The following USP24 variants were observed in gnomAD, a reference collection of about 807,000 sequenced individuals.
USP24 encodes the protein ubiquitin carboxyl-terminal hydrolase 24.
USP24 carries 97 observed loss-of-function variants against 361.6 expected under a neutral mutation model. That is an observed-to-expected ratio of 0.27 (90% CI 0.23 to 0.32). The LOEUF is 0.32. USP24 is among the 10% of genes least tolerant of loss of function. The pLI is 1.00. For synonymous variants in USP24, 1,098 were observed against 1,124.6 expected (o/e 0.98, Z 0.47); for missense variants, 2,353 against 3,165.6 (o/e 0.74, Z 6.16).
At chr1:55,160,699 A>T (rs1338734680) in intron 8 of USP24, among the ~76,000 whole-genome samples, 1 of 152,170 alleles carries the variant, frequency 6.6e-6, no homozygotes. Flanking sequence ...TTTAAGGTAC[A>T]CTCTGTTTAC....
intron 3 of USP24, among the ~76,000 whole-genome samples, chr1:55,173,759 T>C (rs1350235085): frequency 1.3e-5 from 2 of 152,212 alleles, no homozygotes; most frequent in East Asian, 1.9e-4. Flanking sequence ...ACTGATTTTA[T>C]GTAAACCAGT....
chr1:55,124,337 T>C (rs1353769405), intron 35 of USP24, 132 bp downstream of exon 35: 5 of 1,061,598 alleles, frequency 4.7e-6, no homozygotes, highest in Non-Finnish European at 6.7e-6. Context: ...CAGAGCTTGA[T>C]GAATTTTTAC....
At chr1:55,201,502 G>A (rs1644572851) in intron 1 of USP24, among the ~76,000 whole-genome samples, 1 of 147,692 alleles carries the variant, frequency 6.8e-6, no homozygotes, top group African/African-American at 2.5e-5. Context: ...TCGGGAGGCT[G>A]AGGCAGGGGA....
chr1:55,121,271 A>G (rs1352688849), intron 37 of USP24, among the ~76,000 whole-genome samples, 165 bp downstream of exon 37: 2 of 152,234 alleles, frequency 1.3e-5, no homozygotes, highest in African/African-American at 4.8e-5. Flanking sequence ...GAAAGGCAGT[A>G]GAGTCCAAAT....
chr1:55,075,423 A>G (rs1645005105), intron 63 of USP24, 34 bp downstream of exon 63: 3 of 1,553,710 alleles, frequency 1.9e-6, no homozygotes, highest in Admixed American at 1.9e-5. Flanking sequence ...CATATTTACT[A>G]TAGACATTTG....
Position 55,107,302 on chromosome 1 carries a change from C to A in USP24, c.4699G>T (p.Ala1567Ser). Reference protein sequence around the residue: ...ETSEADNILLAGHLRLIKTLL... With the variant: ...ETSEADNILLSGHLRLIKTLL... Reference sequence around the variant, plus strand: ...GTCTTGATGAGGCGTAAGTGCCCTGCCAGTAAGATGTTGTCCGCTTCACTG... The same window carrying A: ...GTCTTGATGAGGCGTAAGTGCCCTGACAGTAAGATGTTGTCCGCTTCACTG... The change falls in exon 40 of 68, where the codon GCA (alanine) becomes TCA (serine). Residue 1567 changes from alanine to serine, a missense_variant. Around this residue, in one of 8 missense-constraint regions of USP24, gnomAD observed 949 missense variants for 1,280.5 expected, o/e 0.74. Transcript: ENST00000294383. 1 of 1,613,938 alleles carries A rather than the reference C, an allele frequency of 6.2e-7. No homozygotes were observed. Among genetic ancestry groups the A allele is most frequent in the Non-Finnish European group, 8.5e-7 (1 of 1,179,882 alleles).
intron 62 of USP24, among the ~76,000 whole-genome samples, chr1:55,076,953 G>A (rs888060092): frequency 3.9e-5 from 6 of 151,946 alleles, no homozygotes; most frequent in Non-Finnish European, 8.8e-5. Context: ...GCCCTGGCAG[G>A]GGTTAACCAT....
Position 55,172,434 on chromosome 1 carries a change from G to T in USP24, c.645C>A (p.Val215=), listed in dbSNP as rs541563087. The T allele has an allele frequency of 5.6e-6, 9 of 1,613,288 alleles. No homozygotes were observed. The Admixed American group carries it at 1.5e-4, about 27-fold the overall frequency. Residue 215 remains valine, a synonymous_variant, in exon 4 of 68, where the codon GTC becomes GTA. Transcript: ENST00000294383. ...YNMLMLLIEL[V]AERIKQDPIP... is the part of the protein sequence containing the mutation. The stretch of plus-strand genomic sequence containing the variant: ...TTGGATCTTGTTTTATTCTCTCTGC[G>T]ACCAGTTCTATTAATAGCATCAACA...
chr1:55,077,243 C>T lies in USP24; in HGVS notation c.7372G>A (p.Glu2458Lys). The T allele has an allele frequency of 6.4e-7, 1 of 1,551,302 alleles. No individual in the cohort carries two copies. The highest frequency in any genetic ancestry group is 1.3e-5 in the African/African-American group (1 of 74,114). ...GAACAGTTATGACTTACCAATATTTCATGAAGTAGTTGGAACGTATTCTTT... is the reference window on the plus strand; with the variant it reads ...GAACAGTTATGACTTACCAATATTTTATGAAGTAGTTGGAACGTATTCTTT... The part of the protein sequence containing the change: ...ELKNTFQLLH[E>K]ILVIEDPIQV... The change falls in exon 62 of 68, where the codon GAA becomes AAA. Residue 2458 changes from glutamate (E) to lysine (K), a missense_variant. Transcript: ENST00000294383.
intron 1 of USP24, among the ~76,000 whole-genome samples, chr1:55,196,581 T>G: frequency 6.6e-6 from 1 of 152,310 alleles, no homozygotes; most frequent in Non-Finnish European, 1.5e-5. Flanking sequence ...TATCTCTAAG[T>G]TGAAGAGTCA....
intron 67 of USP24, among the ~76,000 whole-genome samples, chr1:55,070,504 C>T (rs139748037): frequency 1.3e-3 from 204 of 152,260 alleles, no homozygotes; most frequent in African/African-American, 4.4e-3. Flanking sequence ...GCCGAGCAGT[C>T]GGCTAAGATG....
At chr1:55,210,795 C>G (rs187820543) in intron 1 of USP24, among the ~76,000 whole-genome samples, 157 of 152,186 alleles carry the variant, frequency 1.0e-3, no homozygotes, top group Non-Finnish European at 1.5e-3. Context: ...CACATTAAAA[C>G]AGGAACAAAA....
chr1:55,132,125 A>G (rs1646611161), intron 31 of USP24, among the ~76,000 whole-genome samples: 1 of 152,196 alleles, frequency 6.6e-6, no homozygotes, highest in African/African-American at 2.4e-5. Context: ...TGGGGAGGCT[A>G]ATTACAACGA....
intron 1 of USP24, among the ~76,000 whole-genome samples, chr1:55,183,921 G>T (rs931598678): frequency 3.3e-5 from 5 of 151,938 alleles, no homozygotes; most frequent in African/African-American, 1.2e-4. Flanking sequence ...ACAACAGGAA[G>T]ATAAAATGAT....
At chr1:55,098,996 C>G (rs1363328361) in intron 45 of USP24, among the ~76,000 whole-genome samples, 6 of 152,216 alleles carry the variant, frequency 3.9e-5, no homozygotes, top group Admixed American at 2.0e-4. Flanking sequence ...TTTAGGAAGT[C>G]TGCCACATGG....
At chr1:55,182,019 A>C (rs1643982660) in intron 1 of USP24, among the ~76,000 whole-genome samples, 1 of 152,136 alleles carries the variant, frequency 6.6e-6, no homozygotes, top group South Asian at 2.1e-4. Context: ...CCAGAAGAGA[A>C]TCCTCACCAG....
At chr1:55,086,610 T>C (rs1025284889) in intron 55 of USP24, among the ~76,000 whole-genome samples, 10 of 152,202 alleles carry the variant, frequency 6.6e-5, no homozygotes, top group African/African-American at 2.4e-4. Context: ...ATGGACTAGA[T>C]ATAAGGTGAT....
At position 55,097,170 on chromosome 1, in the gene USP24, A is replaced by G; in HGVS notation, c.5718T>C (p.Phe1906=). ...AAGGCTCCATGTTTAGCATCCAGGG[A>G]AACTATGTAGAAGCAAAAAGACCAT... The part of the protein sequence containing the change: ...RSIKYDEQIR[F]PWMLNMEPYT... The change falls in exon 49 of 68, where the codon TTT becomes TTC. Residue 1906 remains phenylalanine, a splice_region_variant and synonymous_variant. Coordinates refer to ENST00000294383, the MANE Select transcript of USP24 (RefSeq NM_015306.3). 4 of 1,613,924 alleles carry G rather than the reference A, an allele frequency of 2.5e-6. No homozygotes were observed. The highest frequency in any genetic ancestry group is 3.4e-6 in the Non-Finnish European group (4 of 1,179,836).
intron 6 of USP24, 72 bp from the exon 7 acceptor site, chr1:55,166,022 T>C: frequency 2.1e-6 from 3 of 1,434,252 alleles, no homozygotes; most frequent in Non-Finnish European, 2.9e-6. Context: ...TTTCTATTGG[T>C]ACATAGTAGG....
Sources: gnomAD v4.1 joint callset for allele counts (sites outside exome capture counted in the v4.1 genomes callset) on GRCh38, gnomAD v4.1.1 for gene constraint, gnomAD v4.1.1 regional missense constraint, MANE v1.5 for transcripts, NCBI Gene and HGNC (gene_info 2026-07-23, HGNC 2026-07-21) for gene names.